Variants in MAN1A1 observed in about 807,000 individuals in gnomAD.
MAN1A1 encodes mannosyl-oligosaccharide 1,2-alpha-mannosidase IA.
In MAN1A1, 29 loss-of-function variants were observed where a neutral mutation model predicts 70.8. The ratio of observed to expected loss-of-function variants is 0.41; its 90% CI spans 0.31 to 0.56. The LOEUF is 0.56. Among genes scored for constraint, MAN1A1 ranks in the 20% least tolerant of loss-of-function variants. MAN1A1 has a pLI of 0.29. For missense variants in MAN1A1, 747 were observed against 841.3 expected (o/e 0.89, Z 1.39); for synonymous variants, 349 against 330.1 (o/e 1.06, Z -0.62).
intron 11 of MAN1A1, among the ~76,000 whole-genome samples, chr6:119,183,903 G>C (rs72956714): frequency 0.052 from 7,870 of 152,014 alleles, 313 homozygotes; most frequent in Non-Finnish European, 0.071. Context: ...GGTTGTACGT[G>C]AGAATAAAAC....
intron 2 of MAN1A1, among the ~76,000 whole-genome samples, chr6:119,331,004 A>G (rs1231639214): frequency 6.6e-6 from 1 of 152,112 alleles, no homozygotes; most frequent in Non-Finnish European, 1.5e-5. Context: ...TCATCTCTCC[A>G]GTGCCTTGCA....
intron 7 of MAN1A1, among the ~76,000 whole-genome samples, chr6:119,203,313 G>T (rs1773768015): frequency 6.6e-6 from 1 of 152,212 alleles, no homozygotes; most frequent in South Asian, 2.1e-4. Context: ...GAGGGAGTAG[G>T]CCACGTGGAA....
chr6:119,297,397 A>G (rs1257130026), intron 4 of MAN1A1, among the ~76,000 whole-genome samples: 3 of 152,206 alleles, frequency 2.0e-5, no homozygotes, highest in Non-Finnish European at 4.4e-5. Flanking sequence ...TCAAATCACT[A>G]TTGAACAATA....
chr6:119,180,702 T>C lies in MAN1A1; in HGVS notation c.1720-275A>G, dbSNP rs143439417. On this transcript the variant is annotated intron_variant, in intron 11 of 12. Coordinates refer to ENST00000368468, the MANE Select transcript of MAN1A1 (RefSeq NM_005907.4). ...TAATTTTTTGTATTTTTTGTAGAGA[T>C]AGGGTTTTGCCATGTTGCCCATGGT... is the stretch of plus-strand genomic sequence containing the variant. Among the ~76,000 whole-genome samples the C allele has an allele frequency of 1.5e-3, 224 of 152,094 alleles. 2 individuals carry two copies. In the East Asian group the frequency reaches 0.028, roughly 19 times the overall value.
intron 6 of MAN1A1, among the ~76,000 whole-genome samples, chr6:119,210,653 A>T (rs1306640691): frequency 1.4e-5 from 2 of 138,056 alleles, no homozygotes; most frequent in African/African-American, 5.5e-5. Flanking sequence ...CACTATAAAC[A>T]ATTCAGTGGT....
chr6:119,285,607 T>A (rs1161137769), intron 5 of MAN1A1, among the ~76,000 whole-genome samples: 1 of 132,314 alleles, frequency 7.6e-6, no homozygotes, highest in Non-Finnish European at 1.7e-5. Flanking sequence ...TGTTTTCAAT[T>A]CTTTTTTTTT....
At chr6:119,325,034 T>C (rs1773108974) in intron 2 of MAN1A1, among the ~76,000 whole-genome samples, 1 of 152,176 alleles carries the variant, frequency 6.6e-6, no homozygotes, top group Non-Finnish European at 1.5e-5. Flanking sequence ...GAGCCAATGG[T>C]TAAAGCATAT....
intron 2 of MAN1A1, among the ~76,000 whole-genome samples, chr6:119,326,182 G>A (rs1193305957): frequency 6.6e-6 from 1 of 152,126 alleles, no homozygotes; most frequent in Non-Finnish European, 1.5e-5. Context: ...TGCTTGAGCC[G>A]GCTGCTCCCA....
intron 1 of MAN1A1, 71 bp downstream of exon 1, chr6:119,349,471 G>T: frequency 1.1e-6 from 1 of 947,646 alleles, no homozygotes; most frequent in Non-Finnish European, 1.3e-6. Flanking sequence ...GGTCCCGTGG[G>T]TAGGGGAGGG....
chr6:119,232,581 C>A (rs866242811), intron 6 of MAN1A1, among the ~76,000 whole-genome samples: 1 of 151,806 alleles, frequency 6.6e-6, no homozygotes, highest in Non-Finnish European at 1.5e-5. Context: ...TAGTTCCAAA[C>A]TATTTCAAAA....
At chr6:119,307,214 C>T (rs1426656925) in intron 2 of MAN1A1, among the ~76,000 whole-genome samples, 2 of 152,096 alleles carry the variant, frequency 1.3e-5, no homozygotes, top group East Asian at 1.9e-4. Flanking sequence ...GGGAAGTTTT[C>T]GTTTTTGAGT....
chr6:119,271,370 C>T (rs1308813082), intron 5 of MAN1A1, among the ~76,000 whole-genome samples: 1 of 152,008 alleles, frequency 6.6e-6, no homozygotes, highest in Non-Finnish European at 1.5e-5. Flanking sequence ...TAGGTAATAC[C>T]TAATAACCAA....
chr6:119,191,848 T>C (rs1773450834), intron 9 of MAN1A1, among the ~76,000 whole-genome samples: 1 of 152,224 alleles, frequency 6.6e-6, no homozygotes, highest in African/African-American at 2.4e-5. Context: ...AACAATAGTG[T>C]ACAGCATCCT....
chr6:119,223,091 T>C (rs7452092), intron 6 of MAN1A1, among the ~76,000 whole-genome samples: 2 of 152,170 alleles, frequency 1.3e-5, no homozygotes, highest in Non-Finnish European at 2.9e-5. Context: ...AAGAATATTT[T>C]AGAATGAATA....
chr6:119,239,801 T>C (rs1200474220), intron 6 of MAN1A1, among the ~76,000 whole-genome samples: 4 of 152,182 alleles, frequency 2.6e-5, no homozygotes, highest in African/African-American at 9.7e-5. Context: ...AAAAGATTAT[T>C]CCATTGTTAG....
In MAN1A1 at chr6:119,348,761, G is replaced by A. The variant is rs1228493890; in HGVS notation, c.305C>T (p.Ala102Val). 1 of 1,544,492 alleles carries A rather than the reference G, an allele frequency of 6.5e-7. No homozygotes were observed. Among genetic ancestry groups the A allele is most frequent in the Admixed American group, 2.0e-5 (1 of 50,906 alleles). ...ARAEDAAEGRARRREEGAPGD... is the reference protein window; with the variant it reads ...ARAEDAAEGRVRRREEGAPGD... ...GGGTGCCCCCTCCTCGCGGCGCCGG[G>A]CTCGCCCCTCGGCCGCGTCCTCGGC... The change falls in exon 2 of 13, where the codon GCC (alanine) becomes GTC (valine). Residue 102 changes from alanine (A) to valine (V), a missense_variant. By Grantham distance (64) the Ala-to-Val change is moderately conservative. Around this residue, in one of 2 missense-constraint regions of MAN1A1, gnomAD observed 328 missense variants for 293.1 expected, o/e 1.12. Coordinates refer to ENST00000368468, the MANE Select transcript of MAN1A1 (RefSeq NM_005907.4).
chr6:119,218,597 G>A (rs900173239), intron 6 of MAN1A1, among the ~76,000 whole-genome samples: 2 of 151,494 alleles, frequency 1.3e-5, no homozygotes, highest in African/African-American at 4.8e-5. Context: ...CCAGGCTGGG[G>A]CCACTGCCTG....
intron 2 of MAN1A1, among the ~76,000 whole-genome samples, chr6:119,343,517 CAG>C (rs1002925263): frequency 2.0e-5 from 3 of 151,912 alleles, no homozygotes; most frequent in African/African-American, 7.3e-5. Context: ...GCATAATTTG[CAG>C]AGTTTGTGTA....
intron 2 of MAN1A1, among the ~76,000 whole-genome samples, chr6:119,314,762 T>A (rs1295505937): frequency 6.6e-6 from 1 of 152,142 alleles, no homozygotes; most frequent in East Asian, 1.9e-4. Flanking sequence ...GGGAGCTGGC[T>A]CAACTGAAGA....
Sources: gnomAD v4.1 joint callset for allele counts (sites outside exome capture counted in the v4.1 genomes callset) on GRCh38, gnomAD v4.1.1 for gene constraint, gnomAD v4.1.1 regional missense constraint, MANE v1.5 for transcripts, NCBI Gene and HGNC (gene_info 2026-07-23, HGNC 2026-07-21) for gene names.